KIF1B: variants seen among roughly 807,000 people sequenced by gnomAD.
KIF1B encodes kinesin-like protein KIF1B.
A neutral mutation model predicts 241.9 loss-of-function variants in KIF1B; 76 were observed. That is an observed-to-expected ratio of 0.31 (90% CI 0.26 to 0.38). The LOEUF (loss-of-function observed/expected upper bound fraction) is 0.38, where lower values mean the gene tolerates loss of function less well. Among genes scored for constraint, KIF1B ranks in the 10% least tolerant of loss-of-function variants. The pLI, the probability that KIF1B is intolerant of heterozygous loss-of-function variation, is 1.00. For missense variants in KIF1B, 1,622 were observed against 2,271.4 expected (o/e 0.71, Z 5.81); for synonymous variants, 750 against 796.7 (o/e 0.94, Z 0.99).
intron 1 of KIF1B, among the ~76,000 whole-genome samples, chr1:10,226,416 TTACAAA>T (rs1483131883): frequency 6.6e-6 from 1 of 152,196 alleles, no homozygotes; most frequent in Non-Finnish European, 1.5e-5. Flanking sequence ...TGGTTCATAG[TTACAAA>T]TACATAGTAC....
At position 10,295,746 on chromosome 1, in the gene KIF1B, A is replaced by T; in HGVS notation, c.1757A>T (p.Glu586Val). The change falls in exon 19 of 49, where the codon GAG becomes GTG. Residue 586 changes from glutamate (E) to valine (V), a missense_variant. Around this residue, in one of 7 missense-constraint regions of KIF1B, gnomAD observed 44 missense variants for 28.6 expected, o/e 1.54. Transcript: ENST00000676179. ...IKEEHCIFRS[E>V]RSNSGEVIVT... The stretch of plus-strand genomic sequence containing the variant: ...GAAGAGCATTGTATCTTCCGGAGTG[A>T]GAGAAGCAACAGCGGGGAAGGTGAG... 1 of 1,613,770 alleles carries T rather than the reference A, an allele frequency of 6.2e-7. No individual in the cohort carries two copies. The highest frequency in any genetic ancestry group is 8.5e-7 in the Non-Finnish European group (1 of 1,179,854).
In KIF1B at chr1:10,323,987, C is replaced by T. The variant is rs1041315710; in HGVS notation, c.2462C>T (p.Pro821Leu). 1.2e-6 allele frequency: 2 copies of T among 1,614,156 alleles called. No individual in the cohort carries two copies. The highest frequency in any genetic ancestry group is 1.7e-5 in the Admixed American group (1 of 60,026). The change falls in exon 25 of 49, where the codon CCT (proline) becomes CTT (leucine). Residue 821 changes from proline to leucine, a missense_variant. By Grantham distance (98) the Pro-to-Leu change is moderately conservative (BLOSUM62 -3). This residue lies in a region of KIF1B where 803 missense variants were observed against 1,112.0 expected (regional missense o/e 0.72). Transcript: ENST00000676179. ...MEKTHEDRPF[P>L]RTVVAVEVQD... ...AAAACTCATGAGGACAGGCCTTTCCCTCGCACAGTGGTAGCAGTAGAAGTC... is the reference window on the plus strand; with the variant it reads ...AAAACTCATGAGGACAGGCCTTTCCTTCGCACAGTGGTAGCAGTAGAAGTC...
intron 34 of KIF1B, 73 bp downstream of exon 34, chr1:10,343,360 A>G (rs1360012486): frequency 2.6e-5 from 37 of 1,410,506 alleles, no homozygotes; most frequent in Non-Finnish European, 3.7e-5. Context: ...GACTTTTCAA[A>G]TAGAAGTCAT....
chr1:10,317,544 G>A (rs1020331357), intron 22 of KIF1B, among the ~76,000 whole-genome samples: 9 of 151,164 alleles, frequency 6.0e-5, no homozygotes, highest in Admixed American at 4.6e-4. Context: ...AAAAAACATT[G>A]CCTGAGGCCA....
rs1638407152 is a variant in KIF1B at position 10,360,999 on chromosome 1, C to A, written c.4126C>A (p.Pro1376Thr). Reference sequence around the variant, plus strand: ...CTCCCTTCTTCTGAACCGAGTGACACCCTATGGAGAAAAGATCTACATGAC... The same window carrying A: ...CTCCCTTCTTCTGAACCGAGTGACAACCTATGGAGAAAAGATCTACATGAC... ...HNSLLLNRVTPYGEKIYMTLS... is the reference protein window; with the variant it reads ...HNSLLLNRVTTYGEKIYMTLS... Residue 1376 changes from proline to threonine, a missense_variant, in exon 39 of 49, where the codon CCC becomes ACC. Pro to Thr is a conservative substitution (Grantham distance 38, BLOSUM62 -1). Around this residue, in one of 7 missense-constraint regions of KIF1B, gnomAD observed 803 missense variants for 1,112.0 expected, o/e 0.72. Transcript: ENST00000676179. The A allele has an allele frequency of 6.2e-7, 1 of 1,613,836 alleles. No individual in the cohort carries two copies. Among genetic ancestry groups the A allele is most frequent in the African/African-American group, 1.3e-5 (1 of 74,836 alleles).
At chr1:10,347,738 T>C in intron 35 of KIF1B, 23 bp from the exon 36 acceptor site, 2 of 1,608,078 alleles carry the variant, frequency 1.2e-6, no homozygotes, top group African/African-American at 1.3e-5. Context: ...CTTAGTTTTT[T>C]CTTTTGCGTT....
At chr1:10,218,173 G>A (rs773328004) in intron 1 of KIF1B, among the ~76,000 whole-genome samples, 4 of 152,090 alleles carry the variant, frequency 2.6e-5, no homozygotes, top group Admixed American at 2.6e-4. Flanking sequence ...ACCCACTACA[G>A]GCTGGCTTCA....
At position 10,320,088 on chromosome 1, in the gene KIF1B, C is replaced by T. The variant is rs1651461949; in HGVS notation, c.2161C>T (p.Arg721Ter). 5 of 1,613,740 alleles carry T rather than the reference C, an allele frequency of 3.1e-6. No homozygotes were observed. The highest frequency in any genetic ancestry group is 4.2e-6 in the Non-Finnish European group (5 of 1,179,808). ...GGCCTTGCAGAAGCAGGTTGAAACC[C>T]GATCTCTGGCTGCAGAAACAACTGA... ...LQALQKQVETRSLAAETTEEE... is the reference protein window; with the variant it reads ...LQALQKQVET The change falls in exon 23 of 49, where the codon CGA becomes TGA. Residue 721 changes from arginine (R) to a stop codon, truncating the protein, a stop_gained. Coordinates refer to ENST00000676179, the MANE Select transcript of KIF1B (RefSeq NM_001365951.3). LOFTEE classifies it high-confidence loss of function.
chr1:10,335,774 G>A (rs775065899), intron 28 of KIF1B, among the ~76,000 whole-genome samples: 5 of 151,406 alleles, frequency 3.3e-5, no homozygotes, highest in Non-Finnish European at 7.4e-5. Context: ...AGGCAGGATT[G>A]CTTGAGCCCA....
chr1:10,210,625 C>T lies in KIF1B; in HGVS notation c.-333C>T, dbSNP rs1355877774. On this transcript the variant is annotated 5_prime_UTR_variant, in exon 1 of 49. Transcript: ENST00000676179. The surrounding 1 kb of genome is among the most constrained non-coding windows in gnomAD (Gnocchi z 4.1). Reference sequence around the variant, plus strand: ...CGCGCGCGTCGGAGCAGCTCCCCGTCCTCCGCAGCCGTCACCGCCGGCCGT... The same window carrying T: ...CGCGCGCGTCGGAGCAGCTCCCCGTTCTCCGCAGCCGTCACCGCCGGCCGT... Among the ~76,000 whole-genome samples the T allele has an allele frequency of 1.3e-5, 2 of 151,438 alleles. No homozygotes were observed. Among genetic ancestry groups the T allele is most frequent in the Non-Finnish European group, 3.0e-5 (2 of 67,780 alleles).
intron 2 of KIF1B, among the ~76,000 whole-genome samples, chr1:10,234,713 G>C (rs760591618): frequency 6.6e-6 from 1 of 151,324 alleles, no homozygotes; most frequent in African/African-American, 2.4e-5. Flanking sequence ...CTGTAGAGAC[G>C]GGGACTCACT....
At position 10,374,278 on chromosome 1, in the gene KIF1B, CTT is replaced by C. The variant is rs781409601; in HGVS notation, c.4947-37_4947-36del. 2 of 1,604,124 alleles carry C rather than the reference CTT, an allele frequency of 1.2e-6. No homozygotes were observed. Among genetic ancestry groups the C allele is most frequent in the Non-Finnish European group, 1.7e-6 (2 of 1,170,920 alleles). On this transcript the variant is annotated intron_variant, in intron 45 of 48. Coordinates refer to ENST00000676179, the MANE Select transcript of KIF1B (RefSeq NM_001365951.3). The surrounding 1 kb of genome is among the most constrained non-coding windows in gnomAD (Gnocchi z 4.3). ...GTATGCCTTGATTGTAACTGATTCT[CTT>C]GTTACCCTTTTCTTTCTAATCTCTC...
Position 10,326,911 on chromosome 1 carries a change from G to C in KIF1B, c.2924+552G>C, listed in dbSNP as rs1179001882. Among the ~76,000 whole-genome samples the C allele has an allele frequency of 2.0e-5, 3 of 152,174 alleles. No homozygotes were observed. Among genetic ancestry groups the C allele is most frequent in the Non-Finnish European group, 4.4e-5 (3 of 68,016 alleles). On this transcript the variant is annotated intron_variant, in intron 27 of 48. Coordinates refer to ENST00000676179, the MANE Select transcript of KIF1B (RefSeq NM_001365951.3). This position sits in a 1 kb window ranked among gnomAD's most constrained non-coding sequence, Gnocchi z 5.2. ...TCCTAAAAAGAATCAGGAAAGTTAA[G>C]CTTCTCCTTTACCTAAAACGGATGC...
chr1:10,228,985 G>A (rs952431941), intron 1 of KIF1B, among the ~76,000 whole-genome samples: 3 of 152,188 alleles, frequency 2.0e-5, no homozygotes, highest in African/African-American at 7.2e-5. Flanking sequence ...GTTTAGGGGA[G>A]AAGATAATGG....
At chr1:10,336,045 A>T (rs910647039) in intron 28 of KIF1B, among the ~76,000 whole-genome samples, 1 of 152,240 alleles carries the variant, frequency 6.6e-6, no homozygotes, top group Non-Finnish European at 1.5e-5. Context: ...CACAAGTACA[A>T]TATAATATTT....
In KIF1B at chr1:10,374,803, G is replaced by A. The variant is rs1437176043; in HGVS notation, c.5097-51G>A. 2.6e-6 allele frequency: 4 copies of A among 1,558,930 alleles called. No homozygotes were observed. The highest frequency in any genetic ancestry group is 1.7e-5 in the Admixed American group (1 of 59,772). On this transcript the variant is annotated intron_variant, in intron 46 of 48. Coordinates refer to ENST00000676179, the MANE Select transcript of KIF1B (RefSeq NM_001365951.3). This position sits in a 1 kb window ranked among gnomAD's most constrained non-coding sequence, Gnocchi z 4.3. Reference sequence around the variant, plus strand: ...GGCGTATTTTGATGGTCCTCAGCACGATTATTTTCTTTTTGTGAGAAACTA... The same window carrying A: ...GGCGTATTTTGATGGTCCTCAGCACAATTATTTTCTTTTTGTGAGAAACTA...
intron 10 of KIF1B, among the ~76,000 whole-genome samples, chr1:10,273,720 A>C (rs1185790237): frequency 8.9e-6 from 1 of 112,366 alleles, no homozygotes; most frequent in Non-Finnish European, 2.1e-5. Flanking sequence ...AAAAAAAAAA[A>C]AAAAAAAAAA....
chr1:10,339,171 G>A (rs1652296726), intron 31 of KIF1B, among the ~76,000 whole-genome samples: 1 of 152,160 alleles, frequency 6.6e-6, no homozygotes, highest in Non-Finnish European at 1.5e-5. Flanking sequence ...TCTTTCCAGA[G>A]TATCTTCTGT....
Position 10,258,540 on chromosome 1 carries a change from T to G in KIF1B, c.231T>G (p.Ile77Met). 1 of 1,614,182 alleles carries G rather than the reference T, an allele frequency of 6.2e-7. No individual in the cohort carries two copies. Among genetic ancestry groups the G allele is most frequent in the Non-Finnish European group, 8.5e-7 (1 of 1,180,030 alleles). The change falls in exon 4 of 49, where the codon ATT becomes ATG. Residue 77 changes from isoleucine to methionine, a missense_variant. Ile to Met is a conservative substitution (Grantham distance 10). Coordinates refer to ENST00000676179, the MANE Select transcript of KIF1B (RefSeq NM_001365951.3). ...CTCAAAACCGTGTGTACAATGACAT[T>G]GGCAAGGAAATGCTCTTACACGCCT... Reference protein sequence around the residue: ...FASQNRVYNDIGKEMLLHAFE... With the variant: ...FASQNRVYNDMGKEMLLHAFE...
Sources: allele counts gnomAD v4.1 joint callset (sites outside exome capture counted in the v4.1 genomes callset), GRCh38; gene constraint gnomAD v4.1.1; regional missense constraint gnomAD v4.1.1; non-coding constraint Gnocchi (gnomAD v3.1); transcripts MANE v1.5; gene names NCBI Gene and HGNC (gene_info 2026-07-23, HGNC 2026-07-21).